The following BMPR1A variants were observed in gnomAD, a reference collection of about 807,000 sequenced individuals.
BMPR1A encodes bone morphogenetic protein receptor type-1A.
BMPR1A carries 7 observed loss-of-function variants against 66.0 expected under a neutral mutation model. The ratio of observed to expected loss-of-function variants is 0.11; its 90% confidence interval spans 0.06 to 0.20. The LOEUF (loss-of-function observed/expected upper bound fraction) is 0.20. Among genes scored for constraint, BMPR1A ranks in the 10% least tolerant of loss-of-function variants. BMPR1A has a pLI of 1.00. For missense variants in BMPR1A, 408 were observed against 669.1 expected (o/e 0.61, Z 4.31); for synonymous variants, 200 against 229.7 (o/e 0.87, Z 1.17).
intron 2 of BMPR1A, chr10:86,856,062 T>C: frequency 5.1e-6 from 3 of 584,106 alleles, no homozygotes; most frequent in Admixed American, 2.0e-5. Flanking sequence ...ACTCAGATGC[T>C]TCATAACAAA....
intron 1 of BMPR1A, among the ~76,000 whole-genome samples, chr10:86,792,674 G>C (rs746409123): frequency 6.6e-6 from 1 of 152,070 alleles, no homozygotes; most frequent in African/African-American, 2.4e-5. Flanking sequence ...GTATGACTGA[G>C]TGACTAATAA....
At chr10:86,885,114 G>A (rs1241973634) in intron 3 of BMPR1A, among the ~76,000 whole-genome samples, 1 of 152,058 alleles carries the variant, frequency 6.6e-6, no homozygotes, top group Non-Finnish European at 1.5e-5. Context: ...GTTTGGTGAT[G>A]GAAATTTCTA....
At chr10:86,853,131 T>A (rs1167257355) in intron 2 of BMPR1A, among the ~76,000 whole-genome samples, 1 of 152,168 alleles carries the variant, frequency 6.6e-6, no homozygotes, top group East Asian at 1.9e-4. Context: ...TTTTACAATT[T>A]AAACGTCAAT....
At chr10:86,886,448 G>A (rs528931555) in intron 3 of BMPR1A, among the ~76,000 whole-genome samples, 2 of 152,222 alleles carry the variant, frequency 1.3e-5, no homozygotes, top group Non-Finnish European at 2.9e-5. Flanking sequence ...GGGCCTTGGT[G>A]ACAACAGCGG....
chr10:86,820,089 T>C (rs919038305), intron 1 of BMPR1A, among the ~76,000 whole-genome samples: 10 of 152,320 alleles, frequency 6.6e-5, no homozygotes, highest in African/African-American at 2.4e-4. Flanking sequence ...ACACCCAGAC[T>C]GGAGTGCAGT....
In BMPR1A at chr10:86,765,989, C is replaced by CTTTTTTTTTTTTTTTTT. The variant is rs67035271; in HGVS notation, c.-268+9084_-268+9085insTTTTTTTTTTTTTTTTT. Among the ~76,000 whole-genome samples the CTTTTTTTTTTTTTTTTT allele has an allele frequency of 3.3e-4, 44 of 131,810 alleles. 1 individual carries two copies. Among genetic ancestry groups the CTTTTTTTTTTTTTTTTT allele is most frequent in the East Asian group, 8.7e-4 (3 of 3,460 alleles). 86.5% of individuals were successfully genotyped at this position (131,810 alleles called of 152,430 possible). On this transcript the variant is annotated intron_variant, in intron 1 of 12. Transcript: ENST00000372037. The stretch of plus-strand genomic sequence containing the variant: ...GTCAGTAAATTTCAATTTCCTCATT[C>CTTTTTTTTTTTTTTTTT]TTTTTTTTTTTTTTGAGGGAAGGTC...
intron 1 of BMPR1A, among the ~76,000 whole-genome samples, chr10:86,806,801 C>T (rs983554644): frequency 2.6e-5 from 4 of 151,988 alleles, no homozygotes; most frequent in Admixed American, 1.3e-4. Context: ...CTGCCTGTGT[C>T]GGCCTCCCAA....
intron 3 of BMPR1A, among the ~76,000 whole-genome samples, chr10:86,884,642 T>C (rs1458203295): frequency 6.6e-6 from 1 of 151,872 alleles, no homozygotes; most frequent in Non-Finnish European, 1.5e-5. Flanking sequence ...CTCAAACTCC[T>C]GACCTCAGGC....
At chr10:86,891,313 G>A (rs1185433688) in intron 4 of BMPR1A, among the ~76,000 whole-genome samples, 4 of 152,174 alleles carry the variant, frequency 2.6e-5, no homozygotes, top group Non-Finnish European at 5.9e-5. Context: ...GTAATGGGCT[G>A]TCTGTTAGTA....
intron 1 of BMPR1A, among the ~76,000 whole-genome samples, chr10:86,834,668 C>T (rs1842316319): frequency 6.6e-6 from 1 of 152,118 alleles, no homozygotes; most frequent in Admixed American, 6.6e-5. Flanking sequence ...TAGGTGGTTA[C>T]ATGTTTATTA....
intron 5 of BMPR1A, among the ~76,000 whole-genome samples, chr10:86,895,631 G>A (rs1843214650): frequency 6.6e-6 from 1 of 152,094 alleles, no homozygotes; most frequent in African/African-American, 2.4e-5. Flanking sequence ...GATGACAAAA[G>A]GAAAAATAAG....
At chr10:86,759,157 T>A (rs1053757161) in intron 1 of BMPR1A, among the ~76,000 whole-genome samples, 27 of 152,178 alleles carry the variant, frequency 1.8e-4, no homozygotes, top group Non-Finnish European at 2.9e-4. Flanking sequence ...CCAGGCAGAT[T>A]GTGAAGGATG....
chr10:86,908,402 C>T (rs1399953851), intron 7 of BMPR1A, among the ~76,000 whole-genome samples: 1 of 152,080 alleles, frequency 6.6e-6, no homozygotes, highest in Non-Finnish European at 1.5e-5. Context: ...AATGGGCATA[C>T]CTCCTCTTAG....
chr10:86,820,879 T>C (rs1245542851), intron 1 of BMPR1A, among the ~76,000 whole-genome samples: 1 of 151,830 alleles, frequency 6.6e-6, no homozygotes, highest in African/African-American at 2.4e-5. Flanking sequence ...ATAATCATCT[T>C]TTCACTTATT....
intron 1 of BMPR1A, among the ~76,000 whole-genome samples, chr10:86,831,257 C>T (rs1251518953): frequency 2.6e-5 from 4 of 152,002 alleles, no homozygotes; most frequent in Non-Finnish European, 4.4e-5. Flanking sequence ...CTTGTGTGTA[C>T]GGTTTTGTTT....
chr10:86,784,900 T>TA lies in BMPR1A; in HGVS notation c.-268+27984dup, dbSNP rs948198431. 1.2e-3 allele frequency among the ~76,000 whole-genome samples: 183 copies of TA among 152,292 alleles called. 2 individuals are homozygous for TA. Among genetic ancestry groups the TA allele is most frequent in the Middle Eastern group, 3.4e-3 (1 of 294 alleles). Reference sequence around the variant, plus strand: ...TTATTTGAGTCTTGTTTTTTTTTCTTAAATCTGGCTAAGGATTTGTCAATT... The same window carrying TA: ...TTATTTGAGTCTTGTTTTTTTTTCTTAAAATCTGGCTAAGGATTTGTCAATT... On this transcript the variant is annotated intron_variant, in intron 1 of 12. Transcript: ENST00000372037.
intron 5 of BMPR1A, among the ~76,000 whole-genome samples, chr10:86,892,531 C>T (rs1843167548): frequency 6.6e-6 from 1 of 152,216 alleles, no homozygotes; most frequent in Non-Finnish European, 1.5e-5. Flanking sequence ...CAACCTCAAG[C>T]CAGCCTCCTG....
intron 2 of BMPR1A, among the ~76,000 whole-genome samples, chr10:86,870,815 T>C (rs1589754852): frequency 6.6e-6 from 1 of 152,088 alleles, no homozygotes; most frequent in East Asian, 1.9e-4. Flanking sequence ...GCACACGGAT[T>C]CTGCCCTAAT....
At chr10:86,882,282 G>A (rs1589759563) in intron 3 of BMPR1A, among the ~76,000 whole-genome samples, 1 of 151,950 alleles carries the variant, frequency 6.6e-6, no homozygotes, top group Non-Finnish European at 1.5e-5. Context: ...AATTAGCCGG[G>A]CATGGTGGCA....
Sources: allele counts gnomAD v4.1 joint callset (sites outside exome capture counted in the v4.1 genomes callset), GRCh38; gene constraint gnomAD v4.1.1; transcripts MANE v1.5; gene names NCBI Gene and HGNC (gene_info 2026-07-23, HGNC 2026-07-21).